The following CCDC3 variants were observed in gnomAD, a reference collection of about 807,000 sequenced individuals.
CCDC3 encodes coiled-coil domain containing 3, also known as coiled-coil domain-containing protein 3.
A neutral mutation model predicts 21.4 loss-of-function variants in CCDC3; 24 were observed. The observed-to-expected ratio is 1.12, with a 90% CI of 0.81 to 1.58. The LOEUF (loss-of-function observed/expected upper bound fraction) is 1.58, where lower values mean the gene tolerates loss of function less well. Among genes scored for constraint, CCDC3 ranks in the 40% most tolerant of loss-of-function variants. The pLI is 0.00. For synonymous variants in CCDC3, 186 were observed against 166.0 expected (o/e 1.12, Z -0.93); for missense variants, 425 against 360.9 (o/e 1.18, Z -1.44).
chr10:13,073,203 T>C (rs1836908344), intron 4 of CCDC3, among the ~76,000 whole-genome samples: 2 of 152,128 alleles, frequency 1.3e-5, no homozygotes, highest in South Asian at 2.1e-4. Context: ...TAACTTGCAA[T>C]AGTTCCTAAG....
At chr10:12,904,249 G>A (rs897408925) in intron 2 of CCDC3, among the ~76,000 whole-genome samples, 3 of 151,794 alleles carry the variant, frequency 2.0e-5, no homozygotes, top group Admixed American at 6.6e-5. Context: ...GGAGGACTGC[G>A]TGAGCCTAGG....
At chr10:12,954,711 C>A (rs1468368087) in intron 2 of CCDC3, among the ~76,000 whole-genome samples, 1 of 152,214 alleles carries the variant, frequency 6.6e-6, no homozygotes, top group Non-Finnish European at 1.5e-5. Flanking sequence ...AAGGGATCCA[C>A]CCCCATGACC....
At chr10:13,019,645 A>AC (rs1564322431) in intron 5 of CCDC3, among the ~76,000 whole-genome samples, 1 of 152,158 alleles carries the variant, frequency 6.6e-6, no homozygotes. Flanking sequence ...AATGCTGGTG[A>AC]CCCCACATGA....
chr10:12,948,004 A>G (rs1370564881), intron 2 of CCDC3, among the ~76,000 whole-genome samples: 1 of 152,238 alleles, frequency 6.6e-6, no homozygotes, highest in Non-Finnish European at 1.5e-5. Context: ...TCCAGAGCCC[A>G]GCTCTTGGTC....
At chr10:12,907,805 T>C (rs1238363686) in intron 2 of CCDC3, among the ~76,000 whole-genome samples, 1 of 151,954 alleles carries the variant, frequency 6.6e-6, no homozygotes, top group Non-Finnish European at 1.5e-5. Flanking sequence ...TACATCCCCA[T>C]ACCAAATCCC....
Position 12,897,549 on chromosome 10 carries a change from A to G in CCDC3, c.*867T>C, listed in dbSNP as rs1327446180. 2 of 152,232 alleles carry G rather than the reference A, an allele frequency of 1.3e-5. No individual in the cohort carries two copies. Among genetic ancestry groups the G allele is most frequent in the African/African-American group, 4.8e-5 (2 of 41,458 alleles). 9.4% of individuals were successfully genotyped at this position (152,232 alleles called of 1,614,324 possible). A position where few individuals can be genotyped will look rare whatever the true frequency, so the allele number is the denominator to read the frequency against. On this transcript the variant is annotated 3_prime_UTR_variant, in exon 3 of 3. Coordinates refer to ENST00000378825, the MANE Select transcript of CCDC3 (RefSeq NM_031455.4). ...TAAGGAGGTGTCTTTGCAGAAGTTC[A>G]CAGCGTCTTGGAGCACCTCACTTTG...
intron 5 of CCDC3, among the ~76,000 whole-genome samples, chr10:13,019,453 G>A (rs1836116148): frequency 6.6e-6 from 1 of 152,102 alleles, no homozygotes; most frequent in African/African-American, 2.4e-5. Context: ...CCCACCACGT[G>A]GTTTTTCACG....
intron 3 of CCDC3, chr10:13,074,128 A>AACATAT: frequency 1.9e-5 from 2 of 103,296 alleles, no homozygotes; most frequent in South Asian, 4.3e-4. Context: ...AGAGGAATCA[A>AACATAT]ATATATATAT....
At chr10:12,921,425 C>A (rs780092535) in intron 2 of CCDC3, among the ~76,000 whole-genome samples, 2 of 152,202 alleles carry the variant, frequency 1.3e-5, no homozygotes, top group Non-Finnish European at 2.9e-5. Flanking sequence ...CCAACCCCCT[C>A]CCCGACTCGT....
intron 2 of CCDC3, among the ~76,000 whole-genome samples, chr10:12,944,326 C>G (rs1589016323): frequency 6.6e-6 from 1 of 152,164 alleles, no homozygotes; most frequent in Non-Finnish European, 1.5e-5. Flanking sequence ...GTGACAAGAA[C>G]CTTGGCTTCC....
At chr10:12,916,424 CT>C (rs1166881903) in intron 2 of CCDC3, among the ~76,000 whole-genome samples, 1 of 92,906 alleles carries the variant, frequency 1.1e-5, no homozygotes, top group Non-Finnish European at 2.1e-5. Flanking sequence ...CAGACTCCAT[CT>C]CAAAAAAAAA....
At chr10:13,017,005 T>C (rs1836072372) in intron 5 of CCDC3, among the ~76,000 whole-genome samples, 1 of 152,050 alleles carries the variant, frequency 6.6e-6, no homozygotes, top group African/African-American at 2.4e-5. Context: ...TTTAAGCATC[T>C]GCATTTCCAA....
intron 3 of CCDC3, among the ~76,000 whole-genome samples, chr10:13,077,750 C>A (rs1836984237): frequency 2.0e-5 from 3 of 152,296 alleles, no homozygotes; most frequent in Non-Finnish European, 2.9e-5. Context: ...CAAAAACAAG[C>A]AATGGGGAAA....
chr10:13,001,761 G>A (rs1048210200), upstream of CCDC3: 3 of 234,488 alleles, frequency 1.3e-5, no homozygotes, highest in African/African-American at 2.3e-5. Flanking sequence ...GGGACTGGAC[G>A]CGCCGGGCGC....
chr10:13,004,663 G>GT (rs958005753), upstream of CCDC3, among the ~76,000 whole-genome samples: 6 of 149,640 alleles, frequency 4.0e-5, no homozygotes, highest in African/African-American at 1.5e-4. Flanking sequence ...GGGGATCCAT[G>GT]TTGGCCTCTA....
Position 13,025,903 on chromosome 10 carries a change from G to A in CCDC3, c.-2+23771C>T, listed in dbSNP as rs185006006. Among the ~76,000 whole-genome samples the A allele has an allele frequency of 4.6e-4, 70 of 152,212 alleles. 1 individual carries two copies. The highest frequency in any genetic ancestry group is 3.9e-3 in the Admixed American group (59 of 15,278). ...AATATCTTTTTTAAAAAACTCACCC[G>A]GGCATGGTGGCTCACGCCTGTAATC... On this transcript the variant is annotated intron_variant, in intron 5 of 6. Coordinates refer to the CCDC3 transcript ENST00000378839.
upstream of CCDC3, among the ~76,000 whole-genome samples, chr10:13,003,270 A>G (rs933304755): frequency 1.1e-4 from 17 of 152,250 alleles, no homozygotes; most frequent in African/African-American, 3.6e-4. Context: ...AGGACTGTAC[A>G]TATGTCATCT....
intron 2 of CCDC3, among the ~76,000 whole-genome samples, chr10:12,986,744 G>A (rs1166754067): frequency 6.7e-6 from 1 of 150,322 alleles, no homozygotes; most frequent in African/African-American, 2.4e-5. Flanking sequence ...CTGCACCCCA[G>A]CCTGGGCGGC....
At chr10:13,055,271 T>C (rs1836666754) in intron 4 of CCDC3, among the ~76,000 whole-genome samples, 1 of 152,036 alleles carries the variant, frequency 6.6e-6, no homozygotes, top group African/African-American at 2.4e-5. Flanking sequence ...TTCAGCTGCA[T>C]TCTGTTAGCA....
Sources: allele counts gnomAD v4.1 joint callset (sites outside exome capture counted in the v4.1 genomes callset), GRCh38; gene constraint gnomAD v4.1.1; transcripts MANE v1.5; gene names NCBI Gene and HGNC (gene_info 2026-07-23, HGNC 2026-07-21).